SEPTIN9: variants seen among roughly 807,000 people sequenced by gnomAD.
The protein encoded by SEPTIN9 is septin 9.
A neutral mutation model predicts 56.6 loss-of-function variants in SEPTIN9; 13 were observed. The observed-to-expected ratio is 0.23, with a 90% confidence interval of 0.15 to 0.37. SEPTIN9 has a LOEUF of 0.37. Among genes scored for constraint, SEPTIN9 ranks in the 10% least tolerant of loss-of-function variants. The pLI is 1.00. For synonymous variants in SEPTIN9, 332 were observed against 334.1 expected (o/e 0.99, Z 0.07); for missense variants, 650 against 823.1 (o/e 0.79, Z 2.57).
chr17:77,281,703 A>T, intron 1 of SEPTIN9, 149 bp downstream of exon 1: 1 of 712,900 alleles, frequency 1.4e-6, no homozygotes, highest in Non-Finnish European at 2.2e-6. Flanking sequence ...CTCCCAGGAC[A>T]GGGCCGCTGT....
intron 2 of SEPTIN9, among the ~76,000 whole-genome samples, chr17:77,394,884 A>G (rs1038388595): frequency 2.6e-5 from 4 of 152,174 alleles, no homozygotes; most frequent in African/African-American, 9.7e-5. Context: ...GAAAGTTTGC[A>G]TCTGGAGGGT....
intron 2 of SEPTIN9, among the ~76,000 whole-genome samples, chr17:77,378,429 T>G (rs973903996): frequency 2.6e-5 from 4 of 152,186 alleles, no homozygotes; most frequent in Admixed American, 1.3e-4. Context: ...TGGGGGACTC[T>G]GAGATGCAGC....
chr17:77,350,718 T>G (rs1188686392), intron 2 of SEPTIN9, among the ~76,000 whole-genome samples: 1 of 123,456 alleles, frequency 8.1e-6, no homozygotes. Context: ...AGGCAGCATG[T>G]GGGCTAAAGG....
intron 3 of SEPTIN9, among the ~76,000 whole-genome samples, chr17:77,413,371 A>G (rs560396528): frequency 5.1e-4 from 78 of 152,178 alleles, no homozygotes; most frequent in African/African-American, 1.8e-3. Context: ...CTTAAAATTC[A>G]TTACTATTTT....
At chr17:77,396,561 G>A (rs1409464110) in intron 2 of SEPTIN9, among the ~76,000 whole-genome samples, 5 of 149,146 alleles carry the variant, frequency 3.4e-5, no homozygotes, top group Non-Finnish European at 5.9e-5. Flanking sequence ...ATGGTGGCAG[G>A]GGGCTTCCCA....
chr17:77,324,260 T>C (rs2033050274), intron 2 of SEPTIN9, among the ~76,000 whole-genome samples: 1 of 152,222 alleles, frequency 6.6e-6, no homozygotes, highest in Non-Finnish European at 1.5e-5. Context: ...GCAAAGACCC[T>C]TTTTCCAAAT....
chr17:77,423,650 G>A (rs537911559), intron 3 of SEPTIN9, among the ~76,000 whole-genome samples: 3 of 152,366 alleles, frequency 2.0e-5, no homozygotes, highest in East Asian at 3.9e-4. Context: ...CCGGCTCCGC[G>A]CGGAGATCAC....
chr17:77,390,346 TAAAAAAAA>T (rs200348069), intron 2 of SEPTIN9, among the ~76,000 whole-genome samples: 5,501 of 90,320 alleles, frequency 0.061, 181 homozygotes, highest in Non-Finnish European at 0.086. Context: ...GACTCCGTCT[TAAAAAAAA>T]AAAAAAAAAA....
chr17:77,361,551 C>T (rs1450397083), intron 2 of SEPTIN9, among the ~76,000 whole-genome samples: 1 of 151,848 alleles, frequency 6.6e-6, no homozygotes. Context: ...GATTTTAGGT[C>T]CCCAATTGGA....
At chr17:77,423,519 G>A (rs1326491067) in intron 3 of SEPTIN9, among the ~76,000 whole-genome samples, 1 of 152,258 alleles carries the variant, frequency 6.6e-6, no homozygotes, top group Non-Finnish European at 1.5e-5. Context: ...CTTTAGAGAT[G>A]TGGCCCCTGA....
rs912541437 is a variant in SEPTIN9, at chr17:77,317,110, C to A, written c.76+9913C>A. Among the ~76,000 whole-genome samples, 3 of 152,216 alleles carry A rather than the reference C, an allele frequency of 2.0e-5. No individual in the cohort carries two copies. Among genetic ancestry groups the A allele is most frequent in the African/African-American group, 7.2e-5 (3 of 41,442 alleles). On this transcript the variant is annotated intron_variant, in intron 2 of 11. Transcript: ENST00000427177. The surrounding 1 kb of genome is among the most constrained non-coding windows in gnomAD (Gnocchi z 4.2). ...CAGAAAGCAACTCCAGTGAGCTGAG[C>A]CCTGGCTCCGTCTGTGGCGCTGCAT...
intron 2 of SEPTIN9, among the ~76,000 whole-genome samples, chr17:77,350,579 G>T (rs1189809951): frequency 1.3e-5 from 2 of 151,290 alleles, no homozygotes; most frequent in Non-Finnish European, 2.9e-5. Context: ...AGATCTGGAA[G>T]AAGCTCTGCC....
At chr17:77,309,761 T>C (rs1598500512) in intron 2 of SEPTIN9, among the ~76,000 whole-genome samples, 1 of 152,124 alleles carries the variant, frequency 6.6e-6, no homozygotes, top group Non-Finnish European at 1.5e-5. Context: ...ATGGAATTCT[T>C]AGAGCTACAA....
Position 77,429,107 on chromosome 17 carries a change from C to T in SEPTIN9, c.721+26404C>T, listed in dbSNP as rs186024894. ...ATTTGTGCCCCAGCTCCGTGTCCTCCGGTGTGTGTGAGGCCAAGCTCCTGG... is the reference window on the plus strand; with the variant it reads ...ATTTGTGCCCCAGCTCCGTGTCCTCTGGTGTGTGTGAGGCCAAGCTCCTGG... On this transcript the variant is annotated intron_variant, in intron 3 of 11. Transcript: ENST00000427177. This position sits in a 1 kb window ranked among gnomAD's most constrained non-coding sequence, Gnocchi z 5.2. 12 of 471,570 alleles carry T rather than the reference C, an allele frequency of 2.5e-5. No individual in the cohort carries two copies. The highest frequency in any genetic ancestry group is 3.2e-4 in the Middle Eastern group (1 of 3,082). 29.2% of individuals were successfully genotyped at this position (471,570 alleles called of 1,614,324 possible). A position where few individuals can be genotyped will look rare whatever the true frequency, so the allele number is the denominator to read the frequency against.
chr17:77,328,238 C>T (rs2033222392), intron 2 of SEPTIN9, among the ~76,000 whole-genome samples: 1 of 152,252 alleles, frequency 6.6e-6, no homozygotes, highest in Non-Finnish European at 1.5e-5. Context: ...TCCCCACTTT[C>T]CTAATCTCCC....
intron 10 of SEPTIN9, among the ~76,000 whole-genome samples, chr17:77,494,079 T>A (rs1321107642): frequency 6.6e-6 from 1 of 151,242 alleles, no homozygotes; most frequent in African/African-American, 2.5e-5. Flanking sequence ...GCCTGCCCTC[T>A]TTCCTTCTTG....
intron 3 of SEPTIN9, among the ~76,000 whole-genome samples, chr17:77,471,222 C>G (rs1045124194): frequency 1.3e-5 from 2 of 152,144 alleles, no homozygotes; most frequent in Non-Finnish European, 2.9e-5. Context: ...CTGAAGGGGT[C>G]ATTTAGTCAG....
intron 2 of SEPTIN9, among the ~76,000 whole-genome samples, chr17:77,351,601 C>T (rs377002357): frequency 2.6e-5 from 4 of 152,308 alleles, no homozygotes; most frequent in East Asian, 3.9e-4. Context: ...ACCTCAGAGG[C>T]GGCCCCAGGG....
rs2035872905 is a variant in SEPTIN9, at chr17:77,400,784, G to A, written c.77-1275G>A. 1 of 152,778 alleles carries A rather than the reference G, an allele frequency of 6.5e-6. No individual in the cohort carries two copies. The highest frequency in any genetic ancestry group is 1.5e-5 in the Non-Finnish European group (1 of 68,544). 9.5% of individuals were successfully genotyped at this position (152,778 alleles called of 1,614,324 possible). A position where few individuals can be genotyped will look rare whatever the true frequency, so the allele number is the denominator to read the frequency against. On this transcript the variant is annotated intron_variant, in intron 2 of 11. Coordinates refer to ENST00000427177, the MANE Select transcript of SEPTIN9 (RefSeq NM_001113491.2). The surrounding 1 kb of genome is among the most constrained non-coding windows in gnomAD (Gnocchi z 4.1). ...CAGGGGTGCGCTGTGGGTCTGGCCT[G>A]GGGAAGGAGCTGGTGAATGTGCCTG...
Sources: gnomAD v4.1 joint callset for allele counts (sites outside exome capture counted in the v4.1 genomes callset) on GRCh38, gnomAD v4.1.1 for gene constraint, Gnocchi (gnomAD v3.1) non-coding constraint, MANE v1.5 for transcripts, NCBI Gene and HGNC (gene_info 2026-07-23, HGNC 2026-07-21) for gene names.